AFG1L: variants seen among roughly 807,000 people sequenced by gnomAD.
AFG1L encodes AFG1-like ATPase.
A neutral mutation model predicts 62.2 loss-of-function variants in AFG1L; 53 were observed. That is an observed-to-expected ratio of 0.85 (90% CI 0.68 to 1.07). The LOEUF (loss-of-function observed/expected upper bound fraction) is 1.07, where lower values mean the gene tolerates loss of function less well. Among genes scored for constraint, AFG1L ranks in the 50% least tolerant of loss-of-function variants. The pLI is 0.00. For synonymous variants in AFG1L, 228 were observed against 210.3 expected (o/e 1.08, Z -0.73); for missense variants, 555 against 590.5 (o/e 0.94, Z 0.62).
chr6:108,482,362 A>G (rs568751773), intron 10 of AFG1L, among the ~76,000 whole-genome samples: 3 of 152,276 alleles, frequency 2.0e-5, no homozygotes, highest in Non-Finnish European at 4.4e-5. Context: ...AAAATTTTTT[A>G]ATAGATTCTA....
At chr6:108,513,230 T>G (rs1267804285) in intron 11 of AFG1L, among the ~76,000 whole-genome samples, 3 of 152,320 alleles carry the variant, frequency 2.0e-5, no homozygotes, top group African/African-American at 7.2e-5. Flanking sequence ...ACTGAGGTAC[T>G]GGGTTCATCT....
chr6:108,432,546 A>G (rs1295887606), intron 7 of AFG1L, among the ~76,000 whole-genome samples: 4 of 152,196 alleles, frequency 2.6e-5, no homozygotes, highest in South Asian at 2.1e-4. Flanking sequence ...CTCTACCTCT[A>G]TGGTTCTAAG....
chr6:108,380,513 G>A (rs1780452929), intron 6 of AFG1L, among the ~76,000 whole-genome samples: 2 of 152,148 alleles, frequency 1.3e-5, no homozygotes, highest in Non-Finnish European at 2.9e-5. Flanking sequence ...TCCGTGCCAG[G>A]CTTGTGACAG....
chr6:108,460,479 A>T lies in AFG1L; in HGVS notation c.890+13183A>T, dbSNP rs1276475066. ...AAATTGTTTAATTCATTTGCAAATT[A>T]TGTTATTATAGATGGAATTAAATTT... On this transcript the variant is annotated intron_variant, in intron 8 of 12. Transcript: ENST00000368977. 2.6e-5 allele frequency among the ~76,000 whole-genome samples: 4 copies of T among 152,178 alleles called. No individual in the cohort carries two copies. In the East Asian group the frequency reaches 7.7e-4, roughly 29 times the overall value.
chr6:108,380,884 TG>T (rs1343704510), intron 6 of AFG1L, among the ~76,000 whole-genome samples: 10 of 152,202 alleles, frequency 6.6e-5, no homozygotes, highest in African/African-American at 2.4e-4. Flanking sequence ...TCTCACATAC[TG>T]GGGCTTCACT....
At chr6:108,458,703 A>T (rs981729735) in intron 8 of AFG1L, among the ~76,000 whole-genome samples, 1 of 152,006 alleles carries the variant, frequency 6.6e-6, no homozygotes, top group African/African-American at 2.4e-5. Context: ...TGCAGTTTTA[A>T]TGTCTTTGTC....
chr6:108,501,294 A>G (rs541999184), intron 10 of AFG1L, among the ~76,000 whole-genome samples: 1 of 152,272 alleles, frequency 6.6e-6, no homozygotes, highest in South Asian at 2.1e-4. Context: ...CACCTGGCCG[A>G]AGAGAAATTT....
chr6:108,518,607 A>G (rs971409310), intron 11 of AFG1L, among the ~76,000 whole-genome samples: 1 of 152,182 alleles, frequency 6.6e-6, no homozygotes, highest in African/African-American at 2.4e-5. Context: ...ATATGTAACA[A>G]ACCTGCACGT....
chr6:108,372,397 T>C (rs1780051287), intron 6 of AFG1L, among the ~76,000 whole-genome samples: 1 of 151,158 alleles, frequency 6.6e-6, no homozygotes, highest in Admixed American at 6.6e-5. Context: ...TGGTGTAGTC[T>C]TGGCTCACTG....
At chr6:108,480,230 A>T (rs571042911) in intron 10 of AFG1L, among the ~76,000 whole-genome samples, 4 of 152,196 alleles carry the variant, frequency 2.6e-5, no homozygotes, top group Non-Finnish European at 5.9e-5. Flanking sequence ...AGACCCTGCA[A>T]CACATACATA....
intron 2 of AFG1L, among the ~76,000 whole-genome samples, chr6:108,327,126 A>G (rs1437613642): frequency 2.0e-5 from 3 of 152,148 alleles, no homozygotes; most frequent in African/African-American, 7.2e-5. Flanking sequence ...AATGAAAGTA[A>G]TTTTACTTTT....
chr6:108,460,521 T>C (rs1310932604), intron 8 of AFG1L, among the ~76,000 whole-genome samples: 1 of 152,206 alleles, frequency 6.6e-6, no homozygotes. Context: ...GCTTTTTACT[T>C]TTTGTTTTCT....
chr6:108,448,104 G>C (rs1461053945), intron 8 of AFG1L, among the ~76,000 whole-genome samples: 8 of 152,156 alleles, frequency 5.3e-5, no homozygotes, highest in African/African-American at 1.7e-4. Flanking sequence ...GTACTTTACT[G>C]TTTTTGAAGC....
rs181358433 is a variant in AFG1L at position 108,493,083 on chromosome 6, C to T, written c.1062+15791C>T. Among the ~76,000 whole-genome samples the T allele has an allele frequency of 3.3e-5, 5 of 152,256 alleles. No individual in the cohort carries two copies. In the East Asian group the frequency reaches 9.6e-4, roughly 29 times the overall value. Reference sequence around the variant, plus strand: ...TTACTGTAATGTACTATCCAGCTCACTTGTGCTGTTCCTGTTTTTCTAGAA... The same window carrying T: ...TTACTGTAATGTACTATCCAGCTCATTTGTGCTGTTCCTGTTTTTCTAGAA... On this transcript the variant is annotated intron_variant, in intron 10 of 12. Transcript: ENST00000368977.
chr6:108,493,411 T>G (rs935652797), intron 10 of AFG1L, among the ~76,000 whole-genome samples: 3 of 152,180 alleles, frequency 2.0e-5, no homozygotes, highest in African/African-American at 7.2e-5. Context: ...CCCTCTGCCT[T>G]CTGACTGCCC....
At chr6:108,476,962 A>C (rs1158965576) in intron 9 of AFG1L, 27 bp downstream of exon 9, 12 of 1,591,710 alleles carry the variant, frequency 7.5e-6, no homozygotes, top group Admixed American at 3.3e-5. Flanking sequence ...CTCTTGAAAG[A>C]GAATACATTT....
chr6:108,398,638 TA>T (rs1473188311), intron 6 of AFG1L, among the ~76,000 whole-genome samples: 5 of 152,226 alleles, frequency 3.3e-5, no homozygotes, highest in African/African-American at 1.2e-4. Context: ...TAAGGTGAGA[TA>T]GGGGTCTAGT....
At chr6:108,343,326 G>A (rs1353892375) in intron 2 of AFG1L, among the ~76,000 whole-genome samples, 1 of 151,208 alleles carries the variant, frequency 6.6e-6, no homozygotes, top group Non-Finnish European at 1.5e-5. Context: ...AGGATTTCAG[G>A]TGTGAGCCAC....
chr6:108,301,085 T>C (rs933311685), intron 1 of AFG1L, among the ~76,000 whole-genome samples: 6 of 152,340 alleles, frequency 3.9e-5, no homozygotes, highest in South Asian at 4.1e-4. Context: ...TGCCTATCCC[T>C]GAGACTGATT....
Sources: allele counts gnomAD v4.1 joint callset (sites outside exome capture counted in the v4.1 genomes callset), GRCh38; gene constraint gnomAD v4.1.1; transcripts MANE v1.5; gene names NCBI Gene and HGNC (gene_info 2026-07-23, HGNC 2026-07-21).